Variants in EPYC observed in about 807,000 individuals in gnomAD.
EPYC encodes the protein dermatan sulfate proteoglycan 3.
EPYC carries 28 observed loss-of-function variants against 30.1 expected under a neutral mutation model. The ratio of observed to expected loss-of-function variants is 0.93; its 90% CI spans 0.69 to 1.28. EPYC has a LOEUF of 1.28. EPYC is among the 50% of genes most tolerant of loss of function. The probability of loss-of-function intolerance (pLI) is 0.00; values close to 1 mark genes in which losing one functional copy is unlikely to be tolerated. For synonymous variants in EPYC, 144 were observed against 141.4 expected (o/e 1.02, Z -0.13); for missense variants, 382 against 383.5 (o/e 1.00, Z 0.03).
chr12:90,978,252 G>T lies in EPYC; in HGVS notation c.176C>A (p.Ala59Asp), dbSNP rs778809052. The change falls in exon 3 of 7, where the codon GCC becomes GAC. Residue 59 changes from alanine to aspartate, a missense_variant. Physicochemically the swap from Ala to Asp is moderately radical, Grantham distance 126. Coordinates refer to ENST00000261172, the MANE Select transcript of EPYC (RefSeq NM_004950.5). Reference sequence around the variant, plus strand: ...TCTGTTCCCTGAAGGCATCACTGTGGCTATTTCAATCTGAAAAAAAAAAAA... The same window carrying T: ...TCTGTTCCCTGAAGGCATCACTGTGTCTATTTCAATCTGAAAAAAAAAAAA... ...IPVDKVEIEI[A>D]TVMPSGNREL... 1.3e-6 allele frequency: 2 copies of T among 1,558,738 alleles called. No individual in the cohort carries two copies. The highest frequency in any genetic ancestry group is 1.7e-6 in the Non-Finnish European group (2 of 1,161,534).
In EPYC at chr12:90,978,957, T is replaced by C. The variant is rs115683621; in HGVS notation, c.166-695A>G. ...TCTAGGTATGTTAAAATGGACTTCT[T>C]TGAGAACGTTGACACTAGGAGGCAG... On this transcript the variant is annotated intron_variant, in intron 2 of 6. Coordinates refer to ENST00000261172, the MANE Select transcript of EPYC (RefSeq NM_004950.5). Among the ~76,000 whole-genome samples, 151 of 152,318 alleles carry C rather than the reference T, an allele frequency of 9.9e-4. 1 individual carries two copies. Among genetic ancestry groups the C allele is most frequent in the African/African-American group, 3.5e-3 (145 of 41,584 alleles).
intron 2 of EPYC, among the ~76,000 whole-genome samples, chr12:90,987,446 T>C (rs1049101164): frequency 6.6e-6 from 1 of 152,200 alleles, no homozygotes; most frequent in Admixed American, 6.5e-5. Flanking sequence ...CTCAGGTTTA[T>C]TTCTCTAAAA....
At chr12:90,978,501 G>A (rs1285918907) in intron 2 of EPYC, among the ~76,000 whole-genome samples, 1 of 148,690 alleles carries the variant, frequency 6.7e-6, no homozygotes, top group Non-Finnish European at 1.5e-5. Flanking sequence ...TTTTTTTTTG[G>A]TCTTCTTGTT....
chr12:90,971,173 G>T (rs1166525449), intron 5 of EPYC, among the ~76,000 whole-genome samples: 3 of 152,084 alleles, frequency 2.0e-5, no homozygotes, highest in Non-Finnish European at 4.4e-5. Context: ...AGATTCTCTG[G>T]CTTGTACCAC....
At chr12:90,975,292 A>T (rs1031899591) in intron 3 of EPYC, among the ~76,000 whole-genome samples, 1 of 152,080 alleles carries the variant, frequency 6.6e-6, no homozygotes, top group Admixed American at 6.6e-5. Flanking sequence ...ATGATTGCTT[A>T]GGGTAATTTA....
rs146181242 is a variant in EPYC at position 91,002,668 on chromosome 12, T to C, written c.-13-90A>G. On this transcript the variant is annotated intron_variant, in intron 1 of 6. Coordinates refer to ENST00000261172, the MANE Select transcript of EPYC (RefSeq NM_004950.5). Reference sequence around the variant, plus strand: ...TAGAAATGATAAATTAGTGTCAATATCAAAGAACTCAAGCTGGTAGCTTTC... The same window carrying C: ...TAGAAATGATAAATTAGTGTCAATACCAAAGAACTCAAGCTGGTAGCTTTC... 617 of 960,862 alleles carry C rather than the reference T, an allele frequency of 6.4e-4. 3 individuals carry two copies. In the East Asian group the frequency reaches 0.016, roughly 25 times the overall value. The allele number at this position is 960,862 out of a possible 1,614,324, so 59.5% of individuals were successfully genotyped here.
intron 2 of EPYC, among the ~76,000 whole-genome samples, chr12:90,992,757 C>T (rs1172543472): frequency 6.6e-6 from 1 of 152,092 alleles, no homozygotes; most frequent in African/African-American, 2.4e-5. Context: ...CTTCTTAAAT[C>T]ATAGGCTCAT....
At chr12:90,997,451 G>A (rs1201446474) in intron 2 of EPYC, among the ~76,000 whole-genome samples, 1 of 151,910 alleles carries the variant, frequency 6.6e-6, no homozygotes, top group Non-Finnish European at 1.5e-5. Flanking sequence ...CACATAGTTA[G>A]GGCTAATGTT....
At chr12:90,984,329 G>A (rs1877397779) in intron 2 of EPYC, among the ~76,000 whole-genome samples, 1 of 152,092 alleles carries the variant, frequency 6.6e-6, no homozygotes, top group Non-Finnish European at 1.5e-5. Context: ...TGGGTTGGTG[G>A]TGGGGGGAAC....
intron 2 of EPYC, among the ~76,000 whole-genome samples, chr12:90,986,500 C>G (rs1357482458): frequency 6.6e-6 from 1 of 152,082 alleles, no homozygotes; most frequent in African/African-American, 2.4e-5. Flanking sequence ...CTCTCAAATA[C>G]CAGAGGAAGC....
At chr12:91,000,865 T>C (rs572601833) in intron 2 of EPYC, among the ~76,000 whole-genome samples, 1 of 152,080 alleles carries the variant, frequency 6.6e-6, no homozygotes, top group Non-Finnish European at 1.5e-5. Context: ...CTGAAAAACT[T>C]TCATCTTATA....
Position 90,964,083 on chromosome 12 carries a change from G to A in EPYC, c.*73C>T. 1 of 1,264,642 alleles carries A rather than the reference G, an allele frequency of 7.9e-7. No homozygotes were observed. 78.3% of individuals were successfully genotyped at this position (1,264,642 alleles called of 1,614,324 possible). ...ACACAATCTCAAAGTATCATGCTGA[G>A]TTTTGTTTTGGAAGAGAGCAGTAAG... On this transcript the variant is annotated 3_prime_UTR_variant, in exon 7 of 7. Transcript: ENST00000261172.
At chr12:90,966,363 T>G (rs1238787114) in intron 6 of EPYC, among the ~76,000 whole-genome samples, 2 of 152,096 alleles carry the variant, frequency 1.3e-5, no homozygotes, top group Non-Finnish European at 2.9e-5. Context: ...GGTGTTGGAT[T>G]TTGTCAAATG....
intron 2 of EPYC, among the ~76,000 whole-genome samples, chr12:90,989,153 G>A (rs1877522054): frequency 6.6e-6 from 1 of 151,884 alleles, no homozygotes; most frequent in Non-Finnish European, 1.5e-5. Context: ...AATTTTAAGG[G>A]ATGACTAATT....
chr12:90,996,436 A>C (rs1220522045), intron 2 of EPYC, among the ~76,000 whole-genome samples: 3 of 151,674 alleles, frequency 2.0e-5, no homozygotes, highest in African/African-American at 7.3e-5. Context: ...TTATTATAGG[A>C]GTATATTGCT....
In EPYC at chr12:90,963,848, A is replaced by AATTTGAAATGATATAGG; in HGVS notation, c.*291_*307dup. ...CAAAATTTTACTTTATTATGTACTT[A>AATTTGAAATGATATAGG]ATTTGAAATGATATAGGATATGAAC... On this transcript the variant is annotated 3_prime_UTR_variant, in exon 7 of 7. Coordinates refer to ENST00000261172, the MANE Select transcript of EPYC (RefSeq NM_004950.5). 1.1e-5 allele frequency: 2 copies of AATTTGAAATGATATAGG among 186,640 alleles called. No homozygotes were observed. 11.6% of individuals were successfully genotyped at this position (186,640 alleles called of 1,614,324 possible). A position where few individuals can be genotyped will look rare whatever the true frequency, so the allele number is the denominator to read the frequency against.
At chr12:90,985,669 G>T (rs932007242) in intron 2 of EPYC, among the ~76,000 whole-genome samples, 1 of 152,204 alleles carries the variant, frequency 6.6e-6, no homozygotes, top group East Asian at 1.9e-4. Flanking sequence ...ATTGTCCAAC[G>T]AGAAACAAGC....
chr12:90,970,533 A>C (rs942988107), intron 5 of EPYC, among the ~76,000 whole-genome samples: 6 of 152,194 alleles, frequency 3.9e-5, no homozygotes, highest in African/African-American at 1.4e-4. Flanking sequence ...GCATGGAAAC[A>C]AAGAGTTCCT....
intron 2 of EPYC, among the ~76,000 whole-genome samples, chr12:90,983,385 G>A (rs769907755): frequency 1.2e-4 from 18 of 152,054 alleles, no homozygotes; most frequent in East Asian, 9.7e-4. Context: ...GCTAAACACC[G>A]GGCACCTGTT....
Sources: allele counts gnomAD v4.1 joint callset (sites outside exome capture counted in the v4.1 genomes callset), GRCh38; gene constraint gnomAD v4.1.1; transcripts MANE v1.5; gene names NCBI Gene and HGNC (gene_info 2026-07-23, HGNC 2026-07-21).